NDUFA5: variants seen among roughly 807,000 people sequenced by gnomAD.
NDUFA5 encodes NADH:ubiquinone oxidoreductase subunit A5.
NDUFA5 carries 11 observed loss-of-function variants against 19.8 expected under a neutral mutation model. The ratio of observed to expected loss-of-function variants is 0.56; its 90% CI spans 0.35 to 0.92. The LOEUF (loss-of-function observed/expected upper bound fraction) is 0.92, where lower values mean the gene tolerates loss of function less well. Among genes scored for constraint, NDUFA5 ranks in the 40% least tolerant of loss-of-function variants. The pLI, the probability that NDUFA5 is intolerant of heterozygous loss-of-function variation, is 0.01. For synonymous variants in NDUFA5, 47 were observed against 46.8 expected (o/e 1.00, Z -0.01); for missense variants, 109 against 134.2 (o/e 0.81, Z 0.93).
the NDUFA5 span, among the ~76,000 whole-genome samples, chr7:123,572,309 T>A: frequency 6.6e-6 from 1 of 151,308 alleles, no homozygotes; most frequent in South Asian, 2.1e-4. Flanking sequence ...GCCCGCTTAA[T>A]TTTTGTATTT....
At chr7:123,559,612 T>C (rs551669673), upstream of NDUFA5, among the ~76,000 whole-genome samples, 13 of 151,980 alleles carry the variant, frequency 8.6e-5, no homozygotes, top group South Asian at 2.7e-3. Context: ...ATCCCAGCAC[T>C]TTGGGAAGCT....
chr7:123,568,377 G>A, the NDUFA5 span, among the ~76,000 whole-genome samples: 20 of 151,836 alleles, frequency 1.3e-4, no homozygotes, highest in Non-Finnish European at 2.6e-4. Context: ...AAAATTAGCC[G>A]GGCATGGTGG....
intron 4 of NDUFA5, among the ~76,000 whole-genome samples, chr7:123,545,070 C>A (rs1243937902): frequency 6.6e-6 from 1 of 151,886 alleles, no homozygotes; most frequent in Non-Finnish European, 1.5e-5. Context: ...TTTTTCTAAT[C>A]TCAGTCTCTT....
chr7:123,578,887 G>A, the NDUFA5 span, among the ~76,000 whole-genome samples: 1 of 152,044 alleles, frequency 6.6e-6, no homozygotes, highest in Non-Finnish European at 1.5e-5. Flanking sequence ...CTATGACAAT[G>A]TAATTTACAT....
chr7:123,537,651 C>T lies in NDUFA5; in HGVS notation c.*4468G>A, dbSNP rs557627176. The T allele has an allele frequency of 6.6e-6, 1 of 151,888 alleles. No individual in the cohort carries two copies. Among genetic ancestry groups the T allele is most frequent in the Non-Finnish European group, 1.5e-5 (1 of 67,958 alleles). 9.4% of individuals were successfully genotyped at this position (151,888 alleles called of 1,614,324 possible). A position where few individuals can be genotyped will look rare whatever the true frequency, so the allele number is the denominator to read the frequency against. Reference sequence around the variant, plus strand: ...ATTCACATTGAAGTGCGATAAATACCACAAATAGCCTCATGTAATTCAGGT... The same window carrying T: ...ATTCACATTGAAGTGCGATAAATACTACAAATAGCCTCATGTAATTCAGGT... On this transcript the variant is annotated 3_prime_UTR_variant, in exon 5 of 5. Transcript: ENST00000355749.
rs1399999014 is a variant in NDUFA5 at position 123,541,336 on chromosome 7, A to T, written c.*783T>A. ...TTAAAGGCCACGGGCCAGAAAACTAACTTCCACAAATGCAACAAAAGGAAA... is the reference window on the plus strand; with the variant it reads ...TTAAAGGCCACGGGCCAGAAAACTATCTTCCACAAATGCAACAAAAGGAAA... On this transcript the variant is annotated 3_prime_UTR_variant, in exon 5 of 5. Transcript: ENST00000355749. 9.2e-5 allele frequency: 14 copies of T among 152,292 alleles called. No individual in the cohort carries two copies. In the East Asian group the frequency reaches 2.5e-3, roughly 27 times the overall value. The allele number at this position is 152,292 out of a possible 1,614,324, so 9.4% of individuals were successfully genotyped here. A position where few individuals can be genotyped will look rare whatever the true frequency, so the allele number is the denominator to read the frequency against.
the NDUFA5 span, among the ~76,000 whole-genome samples, chr7:123,600,410 T>C: frequency 6.6e-6 from 1 of 152,224 alleles, no homozygotes; most frequent in Non-Finnish European, 1.5e-5. Context: ...GTCACTGCAA[T>C]GTGTCAAGCC....
the NDUFA5 span, chr7:123,596,309 G>A: frequency 6.6e-6 from 1 of 152,038 alleles, no homozygotes; most frequent in Non-Finnish European, 1.5e-5. Context: ...TAGAAAGGAT[G>A]GATTTACATT....
upstream of NDUFA5, chr7:123,558,082 T>C: frequency 1.8e-6 from 1 of 552,156 alleles, no homozygotes; most frequent in Non-Finnish European, 3.2e-6. Flanking sequence ...TGCCCAAAGA[T>C]TGAGGGAAAC....
intron 3 of NDUFA5, among the ~76,000 whole-genome samples, chr7:123,547,762 A>T (rs1260379072): frequency 6.6e-6 from 1 of 152,162 alleles, no homozygotes; most frequent in East Asian, 1.9e-4. Context: ...GTGTTAGGTG[A>T]ACAGTTCAAA....
chr7:123,546,628 T>G (rs568646253), intron 3 of NDUFA5: 1 of 1,245,238 alleles, frequency 8.0e-7, no homozygotes, highest in Admixed American at 2.5e-5. Context: ...TTCTGGCCAA[T>G]AAATGGAATA....
the NDUFA5 span, among the ~76,000 whole-genome samples, chr7:123,597,932 G>A: frequency 7.7e-4 from 117 of 151,326 alleles, no homozygotes; most frequent in African/African-American, 2.6e-3. Flanking sequence ...GTGTGTGTGT[G>A]TGTGTGTGTG....
the NDUFA5 span, among the ~76,000 whole-genome samples, chr7:123,597,270 G>T: frequency 6.6e-6 from 1 of 152,040 alleles, no homozygotes. Context: ...ACATTTAGTG[G>T]TTTTCCTGAT....
At chr7:123,586,522 T>C in the NDUFA5 span, among the ~76,000 whole-genome samples, 1 of 151,876 alleles carries the variant, frequency 6.6e-6, no homozygotes, top group Non-Finnish European at 1.5e-5. Context: ...CTTTCGTTGA[T>C]TGTTTCCTTT....
At position 123,539,327 on chromosome 7, in the gene NDUFA5, A is replaced by G. The variant is rs141171715; in HGVS notation, c.*2792T>C. 1.3e-5 allele frequency: 2 copies of G among 152,348 alleles called. No homozygotes were observed. The highest frequency in any genetic ancestry group is 3.9e-4 in the East Asian group (2 of 5,184). 9.4% of individuals were successfully genotyped at this position (152,348 alleles called of 1,614,324 possible). A position where few individuals can be genotyped will look rare whatever the true frequency, so the allele number is the denominator to read the frequency against. On this transcript the variant is annotated 3_prime_UTR_variant, in exon 5 of 5. Transcript: ENST00000355749. ...AAATTATCCTATAGTTATCCTAAAT[A>G]TAAGCCATTTTCATCCCAAAGGAAA... is the stretch of plus-strand genomic sequence containing the variant.
the NDUFA5 span, among the ~76,000 whole-genome samples, chr7:123,565,373 C>A: frequency 6.7e-6 from 1 of 148,474 alleles, no homozygotes; most frequent in East Asian, 2.0e-4. Context: ...GTTTTACCAG[C>A]TATCTGGCTA....
chr7:123,574,160 T>C, the NDUFA5 span, among the ~76,000 whole-genome samples: 2 of 152,118 alleles, frequency 1.3e-5, no homozygotes, highest in Admixed American at 1.3e-4. Context: ...TGACATCTCT[T>C]CTTTTTTTAT....
chr7:123,552,074 G>A (rs1431221435), intron 2 of NDUFA5, among the ~76,000 whole-genome samples: 1 of 151,858 alleles, frequency 6.6e-6, no homozygotes, highest in Non-Finnish European at 1.5e-5. Flanking sequence ...ACACAGGTAT[G>A]AACCAGAACA....
chr7:123,584,662 A>G, the NDUFA5 span, among the ~76,000 whole-genome samples: 1 of 152,034 alleles, frequency 6.6e-6, no homozygotes, highest in Non-Finnish European at 1.5e-5. Context: ...TCTAAAATGC[A>G]GCTGAATAAA....
Sources: allele counts gnomAD v4.1 joint callset (sites outside exome capture counted in the v4.1 genomes callset), GRCh38; gene constraint gnomAD v4.1.1; transcripts MANE v1.5; gene names NCBI Gene and HGNC (gene_info 2026-07-23, HGNC 2026-07-21).